Variants in TMTC2 observed in about 807,000 individuals in gnomAD.
TMTC2 encodes the protein transmembrane O-mannosyltransferase targeting cadherins 2, also known as protein O-mannosyl-transferase TMTC2.
A neutral mutation model predicts 82.4 loss-of-function variants in TMTC2; 43 were observed. The observed-to-expected ratio is 0.52, with a 90% CI of 0.41 to 0.67. TMTC2 has a LOEUF of 0.67. Ranked by LOEUF, TMTC2 falls within the 30% of genes least tolerant of loss-of-function variation. The probability of loss-of-function intolerance (pLI) is 0.00; values close to 1 mark genes in which losing one functional copy is unlikely to be tolerated. For missense variants in TMTC2, 919 were observed against 1,012.4 expected, an observed-to-expected ratio of 0.91 and a Z score of 1.25; for synonymous variants, 408 against 381.9, an observed-to-expected ratio of 1.07 and a Z score of -0.80.
intron 3 of TMTC2, among the ~76,000 whole-genome samples, chr12:82,900,826 C>T (rs1200215850): frequency 7.3e-5 from 8 of 109,518 alleles, no homozygotes; most frequent in African/African-American, 2.1e-4. Context: ...AATATATATA[C>T]CTGGAATATA....
At chr12:83,064,955 G>A (rs1882865946) in intron 11 of TMTC2, among the ~76,000 whole-genome samples, 1 of 151,834 alleles carries the variant, frequency 6.6e-6, no homozygotes, top group Admixed American at 6.6e-5. Flanking sequence ...TAGTTCCATT[G>A]TCTTTTCTAG....
intron 3 of TMTC2, among the ~76,000 whole-genome samples, chr12:82,904,686 C>T (rs1433640584): frequency 2.0e-5 from 3 of 152,186 alleles, no homozygotes; most frequent in East Asian, 1.9e-4. Context: ...GTGTTTCCCC[C>T]GTTCGCCTTT....
At chr12:82,822,152 C>T (rs893155176) in intron 1 of TMTC2, among the ~76,000 whole-genome samples, 10 of 151,922 alleles carry the variant, frequency 6.6e-5, no homozygotes, top group African/African-American at 2.2e-4. Flanking sequence ...GAATGGTTGC[C>T]GTGAAGGAGG....
At chr12:82,772,352 C>T (rs1877353989) in intron 1 of TMTC2, among the ~76,000 whole-genome samples, 1 of 152,182 alleles carries the variant, frequency 6.6e-6, no homozygotes, top group African/African-American at 2.4e-5. Flanking sequence ...GAGGAGACAG[C>T]ATTTTCAGTG....
chr12:82,984,514 C>G (rs1879071459), intron 7 of TMTC2, among the ~76,000 whole-genome samples: 3 of 152,090 alleles, frequency 2.0e-5, no homozygotes, highest in African/African-American at 7.2e-5. Flanking sequence ...GAAGCAAAAA[C>G]TATACATCCA....
At chr12:82,856,871 C>T (rs1871280661) in intron 1 of TMTC2, 139 bp from the exon 2 acceptor site, 1 of 807,444 alleles carries the variant, frequency 1.2e-6, no homozygotes, top group Non-Finnish European at 1.9e-6. Flanking sequence ...GACATGAATT[C>T]AGCTTATATG....
At chr12:82,956,109 T>C (rs1013858478) in intron 4 of TMTC2, among the ~76,000 whole-genome samples, 30 of 152,104 alleles carry the variant, frequency 2.0e-4, no homozygotes, top group African/African-American at 7.2e-4. Context: ...AAAATAATGA[T>C]AACTGCTACC....
At chr12:82,842,099 AG>A (rs1236100330) in intron 1 of TMTC2, among the ~76,000 whole-genome samples, 2 of 152,214 alleles carry the variant, frequency 1.3e-5, no homozygotes, top group Admixed American at 1.3e-4. Flanking sequence ...GCTGCTTTGA[AG>A]GTTAAATGGA....
At chr12:82,875,859 T>TA (rs1437243455) in intron 2 of TMTC2, among the ~76,000 whole-genome samples, 1 of 121,698 alleles carries the variant, frequency 8.2e-6, no homozygotes, top group Admixed American at 9.7e-5. Flanking sequence ...GCTCTTAGTA[T>TA]AAAAGTTAAG....
At chr12:82,691,294 C>A (rs2136882990) in intron 1 of TMTC2, among the ~76,000 whole-genome samples, 1 of 152,224 alleles carries the variant, frequency 6.6e-6, no homozygotes, top group Non-Finnish European at 1.5e-5. Flanking sequence ...ATTAATGTTA[C>A]CTGTAGATCT....
At chr12:82,858,158 C>T (rs1189382178) in intron 2 of TMTC2, among the ~76,000 whole-genome samples, 1 of 152,094 alleles carries the variant, frequency 6.6e-6, no homozygotes, top group Non-Finnish European at 1.5e-5. Context: ...CTCCCTGTGG[C>T]CAATTAAGAC....
intron 1 of TMTC2, among the ~76,000 whole-genome samples, chr12:82,796,548 C>G (rs992869700): frequency 2.6e-5 from 4 of 152,122 alleles, no homozygotes; most frequent in African/African-American, 9.7e-5. Flanking sequence ...CCTATTCCAG[C>G]AGTTTAATGT....
chr12:82,879,046 A>C (rs1037498858), intron 2 of TMTC2, among the ~76,000 whole-genome samples: 4 of 152,180 alleles, frequency 2.6e-5, no homozygotes. Flanking sequence ...AACATTGAGG[A>C]GATGTTCTCC....
intron 9 of TMTC2, among the ~76,000 whole-genome samples, chr12:83,043,006 A>G (rs549969237): frequency 5.3e-5 from 8 of 152,174 alleles, no homozygotes; most frequent in Admixed American, 1.3e-4. Context: ...TTATCACATT[A>G]GGCCTGTCTC....
intron 1 of TMTC2, among the ~76,000 whole-genome samples, chr12:82,822,326 G>A (rs1869162839): frequency 6.6e-6 from 1 of 152,124 alleles, no homozygotes; most frequent in Non-Finnish European, 1.5e-5. Flanking sequence ...TGTGACTTCA[G>A]GTTCATCAGT....
intron 11 of TMTC2, among the ~76,000 whole-genome samples, chr12:83,123,118 A>G (rs1885006903): frequency 1.3e-5 from 2 of 152,196 alleles, no homozygotes; most frequent in South Asian, 4.1e-4. Flanking sequence ...ATAACACCCA[A>G]CACTGTGACA....
chr12:83,132,454 C>T lies in TMTC2; in HGVS notation c.*65C>T, dbSNP rs74685784. 335 of 1,560,694 alleles carry T rather than the reference C, an allele frequency of 2.1e-4. 2 individuals carry two copies. The Middle Eastern group carries it at 2.8e-3, about 13-fold the overall frequency. On this transcript the variant is annotated 3_prime_UTR_variant, in exon 12 of 12. Coordinates refer to ENST00000321196, the MANE Select transcript of TMTC2 (RefSeq NM_152588.3). ...CTGGCTTCCTTAGCAGACAGAACTT[C>T]CCAGCAGTGCTATGACAAGAGCTGG...
At chr12:83,087,227 T>C (rs964128555) in intron 11 of TMTC2, among the ~76,000 whole-genome samples, 5 of 152,206 alleles carry the variant, frequency 3.3e-5, no homozygotes, top group Non-Finnish European at 5.9e-5. Context: ...ATTCAAGTTT[T>C]TTCCTGGGCT....
intron 8 of TMTC2, among the ~76,000 whole-genome samples, chr12:83,003,259 C>A (rs1365201587): frequency 6.6e-6 from 1 of 151,536 alleles, no homozygotes; most frequent in Non-Finnish European, 1.5e-5. Flanking sequence ...TTTTTCCTAT[C>A]CCTTTGTCAG....
Sources: allele counts gnomAD v4.1 joint callset (sites outside exome capture counted in the v4.1 genomes callset), GRCh38; gene constraint gnomAD v4.1.1; transcripts MANE v1.5; gene names NCBI Gene and HGNC (gene_info 2026-07-23, HGNC 2026-07-21).